DLGAP1: variants seen among roughly 807,000 people sequenced by gnomAD.
DLGAP1 encodes DLG associated protein 1.
In DLGAP1, 11 loss-of-function variants were observed where a neutral mutation model predicts 90.8. That is an observed-to-expected ratio of 0.12 (90% CI 0.08 to 0.20). DLGAP1 has a LOEUF of 0.20. Ranked by LOEUF, DLGAP1 falls within the 10% of genes least tolerant of loss-of-function variation. DLGAP1 has a pLI of 1.00. For synonymous variants in DLGAP1, 558 were observed against 540.7 expected, an observed-to-expected ratio of 1.03 and a Z score of -0.44; for missense variants, 1,050 against 1,333.8, an observed-to-expected ratio of 0.79 and a Z score of 3.31.
At chr18:3,901,201 A>C (rs2071774988) in intron 3 of DLGAP1, among the ~76,000 whole-genome samples, 2 of 151,992 alleles carry the variant, frequency 1.3e-5, no homozygotes, top group African/African-American at 4.8e-5. Context: ...TACGTCCTCC[A>C]CTTAAGCAAT....
intron 7 of DLGAP1, chr18:3,597,967 C>T (rs1354152887): frequency 6.6e-6 from 1 of 152,322 alleles, no homozygotes; most frequent in Non-Finnish European, 1.5e-5. Context: ...TCTGGGTAAC[C>T]CGTGTAATAC....
At chr18:4,396,847 G>A (rs1345456272) in intron 1 of DLGAP1, among the ~76,000 whole-genome samples, 2 of 152,084 alleles carry the variant, frequency 1.3e-5, no homozygotes, top group Non-Finnish European at 2.9e-5. Context: ...TTTTGCTGAC[G>A]GTTTCCCAAA....
In DLGAP1 at chr18:3,600,899, T is replaced by TAGATATAG. The variant is rs1568279154; in HGVS notation, c.1592-18652_1592-18651insCTATATCT. On this transcript the variant is annotated intron_variant, in intron 7 of 12. Coordinates refer to ENST00000315677, the MANE Select transcript of DLGAP1 (RefSeq NM_004746.4). Reference sequence around the variant, plus strand: ...ATATATAGATAGATATATAGATATATATAGATATATAGATAGATATAGATA... The same window carrying TAGATATAG: ...ATATATAGATAGATATATAGATATATAGATATAGATAGATATATAGATAGATATAGATA... Among the ~76,000 whole-genome samples the TAGATATAG allele has an allele frequency of 4.6e-5, 6 of 131,138 alleles. 1 individual carries two copies. Among genetic ancestry groups the TAGATATAG allele is most frequent in the African/African-American group, 1.7e-4 (6 of 35,536 alleles). 86.0% of individuals were successfully genotyped at this position (131,138 alleles called of 152,430 possible).
At chr18:4,410,911 G>C (rs929079477) in intron 1 of DLGAP1, among the ~76,000 whole-genome samples, 1 of 152,168 alleles carries the variant, frequency 6.6e-6, no homozygotes, top group Non-Finnish European at 1.5e-5. Context: ...CCCAGCTCCA[G>C]GAGTTTTGCC....
At chr18:3,594,346 C>T (rs1568263792) in intron 7 of DLGAP1, 2 of 145,872 alleles carry the variant, frequency 1.4e-5, no homozygotes, top group Non-Finnish European at 3.0e-5. Flanking sequence ...CCACACCCCC[C>T]TCCCTCCCTC....
intron 7 of DLGAP1, among the ~76,000 whole-genome samples, chr18:3,669,533 TAGAG>T: frequency 6.6e-6 from 1 of 152,250 alleles, no homozygotes; most frequent in South Asian, 2.1e-4. Flanking sequence ...GTCTGGTCAT[TAGAG>T]AGCATGTCTG....
At chr18:4,363,591 C>T (rs537766963) in intron 1 of DLGAP1, among the ~76,000 whole-genome samples, 5,251 of 152,124 alleles carry the variant, frequency 0.035, 151 homozygotes, top group African/African-American at 0.076. Flanking sequence ...AAAAAGTGGG[C>T]GAAGGACATG....
chr18:3,610,006 C>T (rs950448510), intron 7 of DLGAP1, among the ~76,000 whole-genome samples: 4 of 151,316 alleles, frequency 2.6e-5, no homozygotes, highest in Admixed American at 1.3e-4. Flanking sequence ...TGCAGTGAGC[C>T]GAGATCACGC....
At chr18:4,096,445 C>T (rs2075680795) in intron 2 of DLGAP1, among the ~76,000 whole-genome samples, 1 of 152,124 alleles carries the variant, frequency 6.6e-6, no homozygotes, top group Non-Finnish European at 1.5e-5. Flanking sequence ...ATCAGAAAAA[C>T]CTGTATATAT....
rs138544610 is a variant in DLGAP1, at chr18:4,412,914, G to A, written c.-267+42092C>T. Among the ~76,000 whole-genome samples, 386 of 152,290 alleles carry A rather than the reference G, an allele frequency of 2.5e-3. 1 individual carries two copies. Among genetic ancestry groups the A allele is most frequent in the South Asian group, 6.8e-3 (33 of 4,822 alleles). ...CCTAGACATGCACAGGCAATGCTGCGATGCTCAGTGGTGCTGCCTTTTTAG... is the reference window on the plus strand; with the variant it reads ...CCTAGACATGCACAGGCAATGCTGCAATGCTCAGTGGTGCTGCCTTTTTAG... On this transcript the variant is annotated intron_variant, in intron 1 of 12. Coordinates refer to ENST00000315677, the MANE Select transcript of DLGAP1 (RefSeq NM_004746.4).
intron 3 of DLGAP1, among the ~76,000 whole-genome samples, chr18:3,949,940 T>C (rs1018919161): frequency 6.6e-6 from 1 of 152,134 alleles, no homozygotes; most frequent in Non-Finnish European, 1.5e-5. Context: ...TTTATATAAA[T>C]CCCAAAACAC....
chr18:3,629,319 T>C lies in DLGAP1; in HGVS notation c.1592-47071A>G, dbSNP rs574625189. 2.7e-4 allele frequency among the ~76,000 whole-genome samples: 41 copies of C among 152,154 alleles called. No homozygotes were observed. In the South Asian group the frequency reaches 6.9e-3, roughly 25 times the overall value. ...TTGAGGCTGCAATGAGCCATGATTGTGGCACTGCACTCCAGCTTGAGTGAC... is the reference window on the plus strand; with the variant it reads ...TTGAGGCTGCAATGAGCCATGATTGCGGCACTGCACTCCAGCTTGAGTGAC... On this transcript the variant is annotated intron_variant, in intron 7 of 12. Coordinates refer to ENST00000315677, the MANE Select transcript of DLGAP1 (RefSeq NM_004746.4).
At chr18:4,308,312 G>A (rs992248581) in intron 1 of DLGAP1, among the ~76,000 whole-genome samples, 1 of 152,012 alleles carries the variant, frequency 6.6e-6, no homozygotes, top group Admixed American at 6.6e-5. Flanking sequence ...ATTTCTACCA[G>A]GACTTAATAA....
At chr18:4,077,564 G>T (rs1028237586) in intron 2 of DLGAP1, among the ~76,000 whole-genome samples, 13 of 151,970 alleles carry the variant, frequency 8.6e-5, no homozygotes, top group Non-Finnish European at 1.5e-5. Flanking sequence ...ATTGTTAAAA[G>T]ATCCTCCTGC....
intron 9 of DLGAP1, among the ~76,000 whole-genome samples, chr18:3,560,624 A>G (rs901676979): frequency 2.7e-5 from 4 of 150,000 alleles, no homozygotes; most frequent in African/African-American, 1.0e-4. Flanking sequence ...TTTATGTAAA[A>G]TTAAATGAGC....
At chr18:3,949,594 T>A (rs904830410) in intron 3 of DLGAP1, among the ~76,000 whole-genome samples, 1 of 152,214 alleles carries the variant, frequency 6.6e-6, no homozygotes, top group African/African-American at 2.4e-5. Flanking sequence ...CCCCATTATT[T>A]TACTATAGGA....
intron 1 of DLGAP1, among the ~76,000 whole-genome samples, chr18:4,357,019 C>T (rs980555585): frequency 9.9e-5 from 15 of 151,990 alleles, no homozygotes; most frequent in Non-Finnish European, 1.8e-4. Context: ...TATCTTTCCA[C>T]GCCTTGCTGT....
At chr18:3,878,534 A>G (rs1245876676) in intron 4 of DLGAP1, among the ~76,000 whole-genome samples, 4 of 152,016 alleles carry the variant, frequency 2.6e-5, no homozygotes, top group African/African-American at 4.8e-5. Context: ...CAAACTGGCT[A>G]GCTCCCCACC....
chr18:3,502,094 AT>A, intron 12 of DLGAP1: 2 of 977,402 alleles, frequency 2.0e-6, no homozygotes, highest in Non-Finnish European at 2.4e-6. Flanking sequence ...AGGGCATCCT[AT>A]TTTTCTTGAA....
Sources: gnomAD v4.1 joint callset for allele counts (sites outside exome capture counted in the v4.1 genomes callset) on GRCh38, gnomAD v4.1.1 for gene constraint, MANE v1.5 for transcripts, NCBI Gene and HGNC (gene_info 2026-07-23, HGNC 2026-07-21) for gene names.